The following TXNL1 variants were observed in gnomAD, a reference collection of about 807,000 sequenced individuals.
TXNL1 encodes thioredoxin-like protein 1.
In TXNL1, 14 loss-of-function variants were observed where a neutral mutation model predicts 35.5. That is an observed-to-expected ratio of 0.39 (90% CI 0.26 to 0.62). The LOEUF is 0.62. Ranked by LOEUF, TXNL1 falls within the 20% of genes least tolerant of loss-of-function variation. The probability of loss-of-function intolerance (pLI) is 0.47; values close to 1 mark genes in which losing one functional copy is unlikely to be tolerated. For synonymous variants in TXNL1, 110 were observed against 115.5 expected, an observed-to-expected ratio of 0.95 and a Z score of 0.31; for missense variants, 263 against 349.7, an observed-to-expected ratio of 0.75 and a Z score of 1.98.
rs879527153 is a variant in TXNL1, at chr18:56,603,015, G to A, written c.*12C>T. On this transcript the variant is annotated 3_prime_UTR_variant, in exon 8 of 8. Transcript: ENST00000217515. ...TCTGATTGCAATATGGTTGTCCAGT[G>A]TCTTTTGTACCTTAGTGGCTTTCTC... 9.3e-6 allele frequency: 15 copies of A among 1,613,564 alleles called. No homozygotes were observed. The highest frequency in any genetic ancestry group is 1.3e-5 in the Non-Finnish European group (15 of 1,179,736).
At position 56,601,652 on chromosome 18, in the gene TXNL1, A is replaced by T. The variant is rs1424202681; in HGVS notation, c.*1375T>A. 6.6e-6 allele frequency: 1 copy of T among 152,142 alleles called. No individual in the cohort carries two copies. Among genetic ancestry groups the T allele is most frequent in the Non-Finnish European group, 1.5e-5 (1 of 68,024 alleles). The allele number at this position is 152,142 out of a possible 1,614,324, so 9.4% of individuals were successfully genotyped here. A position where few individuals can be genotyped will look rare whatever the true frequency, so the allele number is the denominator to read the frequency against. On this transcript the variant is annotated 3_prime_UTR_variant, in exon 8 of 8. Transcript: ENST00000217515. ...CTTTCAACACTAAAACTTCTGTAGA[A>T]TTTTTTCATAAACAAGTATAAACAC... is the stretch of plus-strand genomic sequence containing the variant.
intron 7 of TXNL1, among the ~76,000 whole-genome samples, chr18:56,603,280 A>T (rs201441266): frequency 8.2e-6 from 1 of 122,120 alleles, no homozygotes; most frequent in South Asian, 2.8e-4. Context: ...GGTTTCACAC[A>T]GTTTTTTTTT....
intron 3 of TXNL1, among the ~76,000 whole-genome samples, chr18:56,622,010 CA>C (rs373833617): frequency 0.055 from 3,995 of 73,148 alleles, 66 homozygotes; most frequent in East Asian, 0.13. Flanking sequence ...AACTCCATCT[CA>C]AAAAAAAAAA....
At chr18:56,605,403 G>A (rs2023874678) in intron 7 of TXNL1, 1 of 152,088 alleles carries the variant, frequency 6.6e-6, no homozygotes, top group Non-Finnish European at 1.5e-5. Flanking sequence ...TAAACAGACA[G>A]AAATGTTACA....
intron 1 of TXNL1, among the ~76,000 whole-genome samples, chr18:56,626,840 T>C (rs1905912369): frequency 7.8e-6 from 1 of 128,308 alleles, no homozygotes; most frequent in African/African-American, 2.8e-5. Flanking sequence ...GGTCTCATTC[T>C]ATAACCCAGG....
At chr18:56,611,164 A>G (rs934575478) in intron 6 of TXNL1, 67 bp from the exon 7 acceptor site, 45 of 1,023,542 alleles carry the variant, frequency 4.4e-5, no homozygotes, top group Non-Finnish European at 5.5e-5. Flanking sequence ...AGTTTAATCA[A>G]TTTCCTTAAA....
intron 6 of TXNL1, 142 bp downstream of exon 6, chr18:56,614,282 T>C: frequency 1.5e-6 from 1 of 669,888 alleles, no homozygotes; most frequent in Middle Eastern, 4.3e-4. Flanking sequence ...AAGAAGAAAA[T>C]TTATCCCATT....
At position 56,632,742 on chromosome 18, in the gene TXNL1, C is replaced by T. The variant is rs141099015; in HGVS notation, c.98+5601G>A. Among the ~76,000 whole-genome samples, 3 of 152,224 alleles carry T rather than the reference C, an allele frequency of 2.0e-5. No homozygotes were observed. The East Asian group carries it at 5.8e-4, about 29-fold the overall frequency. ...TAGTGGGAAGAAGCTTGGGACAGTG[C>T]GAGGAGTCCGGAGTTAATGATCTAT... is the stretch of plus-strand genomic sequence containing the variant. On this transcript the variant is annotated intron_variant, in intron 1 of 7. Coordinates refer to ENST00000217515, the MANE Select transcript of TXNL1 (RefSeq NM_004786.3).
At chr18:56,617,114 A>G (rs1287225505) in intron 4 of TXNL1, among the ~76,000 whole-genome samples, 2 of 152,176 alleles carry the variant, frequency 1.3e-5, no homozygotes, top group East Asian at 1.9e-4. Flanking sequence ...AAGCTGAAAA[A>G]CATGGTGGCT....
At position 56,602,385 on chromosome 18, in the gene TXNL1, A is replaced by G. The variant is rs1317963919; in HGVS notation, c.*642T>C. ...GATTTCCACATTCTTCTATTAGTTA[A>G]AAAAAAAAAAAAAAAAAAAAAGGCT... On this transcript the variant is annotated 3_prime_UTR_variant, in exon 8 of 8. Transcript: ENST00000217515. 2.2e-4 allele frequency: 1 copy of G among 4,518 alleles called. No homozygotes were observed. Among genetic ancestry groups the G allele is most frequent in the African/African-American group, 2.4e-4 (1 of 4,150 alleles). 0.3% of individuals were successfully genotyped at this position (4,518 alleles called of 1,614,324 possible).
Position 56,602,950 on chromosome 18 carries a change from G to T in TXNL1, c.*77C>A. 7.0e-7 allele frequency: 1 copy of T among 1,425,682 alleles called. No individual in the cohort carries two copies. The highest frequency in any genetic ancestry group is 9.9e-7 in the Non-Finnish European group (1 of 1,009,908). The allele number at this position is 1,425,682 out of a possible 1,614,324, so 88.3% of individuals were successfully genotyped here. On this transcript the variant is annotated 3_prime_UTR_variant, in exon 8 of 8. Coordinates refer to ENST00000217515, the MANE Select transcript of TXNL1 (RefSeq NM_004786.3). ...AATGGCAATGAATGAAACATTGACA[G>T]TCTCTGGCGAGAATCAAGCAATTAT... is the stretch of plus-strand genomic sequence containing the variant.
rs1464554874 is a variant in TXNL1, at chr18:56,600,561, T to G, written c.*2466A>C. 3 of 107,968 alleles carry G rather than the reference T, an allele frequency of 2.8e-5. No individual in the cohort carries two copies. The highest frequency in any genetic ancestry group is 3.8e-5 in the Non-Finnish European group (2 of 52,926). 6.7% of individuals were successfully genotyped at this position (107,968 alleles called of 1,614,324 possible). A position where few individuals can be genotyped will look rare whatever the true frequency, so the allele number is the denominator to read the frequency against. ...GGGCAGGTTTCAACTCTAATTGTTA[T>G]GTGGCTGCCTCCAACAGTATATTGA... On this transcript the variant is annotated 3_prime_UTR_variant, in exon 8 of 8. Transcript: ENST00000217515.
chr18:56,606,886 TGAGA>T (rs1256848151), intron 7 of TXNL1, among the ~76,000 whole-genome samples: 4 of 152,200 alleles, frequency 2.6e-5, no homozygotes, highest in African/African-American at 9.7e-5. Context: ...TTTGAGACAG[TGAGA>T]GAAAGAGCAA....
Position 56,638,505 on chromosome 18 carries a change from T to A in TXNL1, c.-65A>T. 2 of 1,510,026 alleles carry A rather than the reference T, an allele frequency of 1.3e-6. No homozygotes were observed. The highest frequency in any genetic ancestry group is 1.8e-6 in the Non-Finnish European group (2 of 1,107,808). The allele number at this position is 1,510,026 out of a possible 1,614,324, so 93.5% of individuals were successfully genotyped here. On this transcript the variant is annotated 5_prime_UTR_variant, in exon 1 of 8. Transcript: ENST00000217515. ...GCTTTGAAACTGAAGGAGAAGACGA[T>A]CTGGGAGAGGAAGGAGAGATGCTCA...
At chr18:56,612,016 TC>T (rs60008727) in intron 6 of TXNL1, among the ~76,000 whole-genome samples, 31,737 of 115,996 alleles carry the variant, frequency 0.27, 6,887 homozygotes, top group African/African-American at 0.57. Context: ...GCCCGGCTAA[TC>T]TTTTTTTTTT....
intron 1 of TXNL1, among the ~76,000 whole-genome samples, chr18:56,636,853 G>T (rs1412494801): frequency 6.6e-6 from 1 of 152,142 alleles, no homozygotes; most frequent in Non-Finnish European, 1.5e-5. Context: ...GTGAGGTGAG[G>T]TTCCTTATTG....
intron 1 of TXNL1, among the ~76,000 whole-genome samples, chr18:56,631,247 T>C (rs988042976): frequency 6.6e-6 from 1 of 152,180 alleles, no homozygotes; most frequent in Non-Finnish European, 1.5e-5. Context: ...AAATTTCCAT[T>C]AGCTGAGATC....
Position 56,601,088 on chromosome 18 carries a change from T to C in TXNL1, c.*1939A>G, listed in dbSNP as rs1212883471. The C allele has an allele frequency of 7.0e-6, 1 of 142,938 alleles. No homozygotes were observed. The highest frequency in any genetic ancestry group is 1.5e-5 in the Non-Finnish European group (1 of 66,078). 8.9% of individuals were successfully genotyped at this position (142,938 alleles called of 1,614,324 possible). A position where few individuals can be genotyped will look rare whatever the true frequency, so the allele number is the denominator to read the frequency against. ...GCTCTTATTCATCTGGAAAATTCAG[T>C]GTTATATATAAATGTTACATATACA... On this transcript the variant is annotated 3_prime_UTR_variant, in exon 8 of 8. Coordinates refer to ENST00000217515, the MANE Select transcript of TXNL1 (RefSeq NM_004786.3).
chr18:56,630,193 A>G (rs2024348993), intron 1 of TXNL1, among the ~76,000 whole-genome samples: 2 of 151,482 alleles, frequency 1.3e-5, no homozygotes, highest in African/African-American at 4.9e-5. Flanking sequence ...CAAGACTCCA[A>G]CTTGGAAAAG....
Sources: allele counts gnomAD v4.1 joint callset (sites outside exome capture counted in the v4.1 genomes callset), GRCh38; gene constraint gnomAD v4.1.1; transcripts MANE v1.5; gene names NCBI Gene and HGNC (gene_info 2026-07-23, HGNC 2026-07-21).